MAD2L1: variants seen among roughly 807,000 people sequenced by gnomAD.
MAD2L1 encodes the protein mitotic arrest deficient 2 like 1.
In MAD2L1, 10 loss-of-function variants were observed where a neutral mutation model predicts 25.9. That is an observed-to-expected ratio of 0.39 (90% CI 0.24 to 0.66). The LOEUF (loss-of-function observed/expected upper bound fraction) is 0.66. Among genes scored for constraint, MAD2L1 ranks in the 30% least tolerant of loss-of-function variants. The pLI, the probability that MAD2L1 is intolerant of heterozygous loss-of-function variation, is 0.49. For missense variants in MAD2L1, 180 were observed against 246.4 expected (o/e 0.73, Z 1.80); for synonymous variants, 81 against 91.8 (o/e 0.88, Z 0.67).
chr4:120,063,471 G>C (rs1039967370), intron 2 of MAD2L1, among the ~76,000 whole-genome samples: 4 of 152,206 alleles, frequency 2.6e-5, no homozygotes, highest in Non-Finnish European at 5.9e-5. Flanking sequence ...CTTGTGGGCA[G>C]TGCAAAAACA....
In MAD2L1 at chr4:120,060,911, T is replaced by C; in HGVS notation, c.408A>G (p.Thr136=). 6.2e-7 allele frequency: 1 copy of C among 1,610,754 alleles called. No individual in the cohort carries two copies. Among genetic ancestry groups the C allele is most frequent in the Non-Finnish European group, 8.5e-7 (1 of 1,177,428 alleles). Residue 136 remains threonine, a synonymous_variant, in exon 4 of 5, where the codon ACA becomes ACG. Transcript: ENST00000296509. ...ACAGTGGCAGAAATGTCACCGTAGC[T>C]GTGATCTGTCTGATCACTGAACGGA... ...DEIRSVIRQI[T]ATVTFLPLLE...
chr4:120,063,720 C>T (rs2908987), intron 2 of MAD2L1, among the ~76,000 whole-genome samples: 87,615 of 151,676 alleles, frequency 0.58, 25,757 homozygotes, highest in East Asian at 0.81. Context: ...AACAATTGGC[C>T]AGCAAAACAA....
intron 3 of MAD2L1, 99 bp downstream of exon 3, chr4:120,061,867 ACTATATTTT>A: frequency 1.2e-6 from 1 of 848,658 alleles, no homozygotes. Flanking sequence ...TTAGAAACAA[ACTATATTTT>A]ATATAAAACT....
At position 120,065,925 on chromosome 4, in the gene MAD2L1, ATGAC is replaced by A. The variant is rs528613419; in HGVS notation, c.74-111_74-108del. The A allele has an allele frequency of 2.5e-3, 2,725 of 1,088,444 alleles. 3 individuals are homozygous for A. Among genetic ancestry groups the A allele is most frequent in the Non-Finnish European group, 3.4e-3 (2,522 of 749,098 alleles). 67.4% of individuals were successfully genotyped at this position (1,088,444 alleles called of 1,614,324 possible). ...TTTTCATTAGGCTATACAGCTATAA[ATGAC>A]TGAACACACGTGTATCTTGCTGAAA... is the stretch of plus-strand genomic sequence containing the variant. On this transcript the variant is annotated intron_variant, in intron 1 of 4. Coordinates refer to ENST00000296509, the MANE Select transcript of MAD2L1 (RefSeq NM_002358.4).
chr4:120,066,413 C>A (rs748953487), intron 1 of MAD2L1, among the ~76,000 whole-genome samples: 1 of 152,020 alleles, frequency 6.6e-6, no homozygotes. Flanking sequence ...TGTCCTGTAT[C>A]GGAAAGTAAG....
chr4:120,063,262 C>T (rs766110160), intron 2 of MAD2L1, among the ~76,000 whole-genome samples: 3 of 152,070 alleles, frequency 2.0e-5, no homozygotes, highest in Non-Finnish European at 4.4e-5. Flanking sequence ...TCAGAGATCA[C>T]CTATAGAGAA....
At chr4:120,065,603 G>A in intron 2 of MAD2L1, 69 bp downstream of exon 2, 2 of 1,430,140 alleles carry the variant, frequency 1.4e-6, no homozygotes, top group Non-Finnish European at 2.0e-6. Flanking sequence ...TATGTGCAGA[G>A]CGGAAAAATG....
At chr4:120,066,629 C>T (rs2110510186) in intron 1 of MAD2L1, 33 bp downstream of exon 1, 12 of 1,577,114 alleles carry the variant, frequency 7.6e-6, no homozygotes, top group Non-Finnish European at 1.0e-5. Flanking sequence ...CGACTCCGTT[C>T]CCCCCGATAT....
At chr4:120,066,262 A>G (rs1033605219) in intron 1 of MAD2L1, among the ~76,000 whole-genome samples, 4 of 152,062 alleles carry the variant, frequency 2.6e-5, no homozygotes, top group Admixed American at 6.6e-5. Flanking sequence ...TTCGAAAACA[A>G]GGGTTCCCAA....
intron 2 of MAD2L1, among the ~76,000 whole-genome samples, chr4:120,064,649 T>C (rs1014800664): frequency 1.8e-4 from 27 of 152,200 alleles, no homozygotes; most frequent in African/African-American, 6.3e-4. Flanking sequence ...GCCTGTTAAT[T>C]TGAGACCTGA....
At chr4:120,066,463 C>G (rs1233997205) in intron 1 of MAD2L1, among the ~76,000 whole-genome samples, 199 bp downstream of exon 1, 3 of 152,164 alleles carry the variant, frequency 2.0e-5, no homozygotes, top group Non-Finnish European at 4.4e-5. Flanking sequence ...AAGGAAGAAA[C>G]GCTCCGGAAG....
rs533904126 is a variant in MAD2L1 at position 120,057,138 on chromosome 4, T to A, written c.*2980A>T. 1 of 152,210 alleles carries A rather than the reference T, an allele frequency of 6.6e-6. No individual in the cohort carries two copies. The highest frequency in any genetic ancestry group is 1.5e-5 in the Non-Finnish European group (1 of 68,032). 9.4% of individuals were successfully genotyped at this position (152,210 alleles called of 1,614,324 possible). ...CACTCACGCTCATTCATTTATGTATTGTCTATAGCTGCTTTCAGCCTCGAG... is the reference window on the plus strand; with the variant it reads ...CACTCACGCTCATTCATTTATGTATAGTCTATAGCTGCTTTCAGCCTCGAG... On this transcript the variant is annotated 3_prime_UTR_variant, in exon 5 of 5. Transcript: ENST00000296509.
chr4:120,065,793 A>T lies in MAD2L1; in HGVS notation c.99T>A (p.Tyr33Ter), dbSNP rs766080399. ...FFSFGINSILYQRGIYPSETF... is the reference protein window; with the variant it reads ...FFSFGINSIL ...TTTCAGATGGATATATGCCACGCTG[A>T]TATAAAATGCTGTTGATGCCGAATG... The change falls in exon 2 of 5, where the codon TAT becomes TAA. Residue 33 changes from tyrosine to a stop codon, truncating the protein, a stop_gained. Coordinates refer to ENST00000296509, the MANE Select transcript of MAD2L1 (RefSeq NM_002358.4). LOFTEE classifies it high-confidence loss of function. 1 of 1,613,948 alleles carries T rather than the reference A, an allele frequency of 6.2e-7. No individual in the cohort carries two copies. The highest frequency in any genetic ancestry group is 2.2e-5 in the East Asian group (1 of 44,860).
At position 120,056,729 on chromosome 4, in the gene MAD2L1, T is replaced by C. The variant is rs894845958; in HGVS notation, c.*3389A>G. ...GCTCTTTATCCTATTGTGAGTCTCA[T>C]AAAAAGGGTCTCTTTTTTAAAGGAG... On this transcript the variant is annotated 3_prime_UTR_variant, in exon 5 of 5. Coordinates refer to ENST00000296509, the MANE Select transcript of MAD2L1 (RefSeq NM_002358.4). The C allele has an allele frequency of 2.6e-5, 4 of 152,192 alleles. No individual in the cohort carries two copies. The highest frequency in any genetic ancestry group is 7.2e-5 in the African/African-American group (3 of 41,458). 9.4% of individuals were successfully genotyped at this position (152,192 alleles called of 1,614,324 possible). A position where few individuals can be genotyped will look rare whatever the true frequency, so the allele number is the denominator to read the frequency against.
intron 2 of MAD2L1, among the ~76,000 whole-genome samples, chr4:120,064,884 A>T (rs1283951350): frequency 2.0e-5 from 3 of 148,994 alleles, no homozygotes; most frequent in African/African-American, 4.9e-5. Flanking sequence ...TTTCTAAATT[A>T]AAAAAAAAAG....
chr4:120,064,212 G>C (rs1479872904), intron 2 of MAD2L1, among the ~76,000 whole-genome samples: 1 of 152,130 alleles, frequency 6.6e-6, no homozygotes, highest in African/African-American at 2.4e-5. Flanking sequence ...GAGGTTCCAG[G>C]CCAAACGACC....
rs1027637835 is a variant in MAD2L1, at chr4:120,059,304, C to G, written c.*814G>C. ...CCATTAGATTGAAGACACCTCAAGA[C>G]TCACTCAACTTTGGACCCTTAAGTT... On this transcript the variant is annotated 3_prime_UTR_variant, in exon 5 of 5. Coordinates refer to ENST00000296509, the MANE Select transcript of MAD2L1 (RefSeq NM_002358.4). The G allele has an allele frequency of 6.6e-6, 1 of 152,152 alleles. No homozygotes were observed. Among genetic ancestry groups the G allele is most frequent in the Non-Finnish European group, 1.5e-5 (1 of 68,002 alleles). 9.4% of individuals were successfully genotyped at this position (152,152 alleles called of 1,614,324 possible). A position where few individuals can be genotyped will look rare whatever the true frequency, so the allele number is the denominator to read the frequency against.
rs1419256096 is a variant in MAD2L1, at chr4:120,059,297, C to T, written c.*821G>A. 2 of 152,116 alleles carry T rather than the reference C, an allele frequency of 1.3e-5. No individual in the cohort carries two copies. The highest frequency in any genetic ancestry group is 2.4e-5 in the African/African-American group (1 of 41,424). 9.4% of individuals were successfully genotyped at this position (152,116 alleles called of 1,614,324 possible). A position where few individuals can be genotyped will look rare whatever the true frequency, so the allele number is the denominator to read the frequency against. On this transcript the variant is annotated 3_prime_UTR_variant, in exon 5 of 5. Transcript: ENST00000296509. Reference sequence around the variant, plus strand: ...AGTTTATCCATTAGATTGAAGACACCTCAAGACTCACTCAACTTTGGACCC... The same window carrying T: ...AGTTTATCCATTAGATTGAAGACACTTCAAGACTCACTCAACTTTGGACCC...
At position 120,059,879 on chromosome 4, in the gene MAD2L1, A is replaced by G. The variant is rs190679989; in HGVS notation, c.*239T>C. The G allele has an allele frequency of 6.3e-5, 22 of 350,950 alleles. No homozygotes were observed. In the Admixed American group the frequency reaches 8.4e-4, roughly 13 times the overall value. The allele number at this position is 350,950 out of a possible 1,614,324, so 21.7% of individuals were successfully genotyped here. A position where few individuals can be genotyped will look rare whatever the true frequency, so the allele number is the denominator to read the frequency against. On this transcript the variant is annotated 3_prime_UTR_variant, in exon 5 of 5. Coordinates refer to ENST00000296509, the MANE Select transcript of MAD2L1 (RefSeq NM_002358.4). ...AGGAATATACATCACAATGTTGACA[A>G]AAAAACCTCCTGGTTCCTTTTGAAC...
Sources: allele counts gnomAD v4.1 joint callset (sites outside exome capture counted in the v4.1 genomes callset), GRCh38; gene constraint gnomAD v4.1.1; transcripts MANE v1.5; gene names NCBI Gene and HGNC (gene_info 2026-07-23, HGNC 2026-07-21).